Variants in LRP2 observed in about 807,000 individuals in gnomAD.
LRP2 encodes LDL receptor related protein 2, also known as low-density lipoprotein receptor-related protein 2.
LRP2 carries 172 observed loss-of-function variants against 531.0 expected under a neutral mutation model. That is an observed-to-expected ratio of 0.32 (90% CI 0.29 to 0.37). The LOEUF (loss-of-function observed/expected upper bound fraction) is 0.37, where lower values mean the gene tolerates loss of function less well. Among genes scored for constraint, LRP2 ranks in the 10% least tolerant of loss-of-function variants. The probability of loss-of-function intolerance (pLI) is 1.00; values close to 1 mark genes in which losing one functional copy is unlikely to be tolerated. For synonymous variants in LRP2, 1,992 were observed against 2,027.6 expected (o/e 0.98, Z 0.47); for missense variants, 5,167 against 5,868.3 (o/e 0.88, Z 3.90).
intron 3 of LRP2, among the ~76,000 whole-genome samples, chr2:169,316,121 A>G (rs1228720084): frequency 1.3e-5 from 2 of 150,300 alleles, no homozygotes; most frequent in African/African-American, 4.9e-5. Context: ...CAGCCTGGGC[A>G]ACAGAGCAAG....
In LRP2 at chr2:169,237,255, A is replaced by C. The variant is rs146923564; in HGVS notation, c.4539T>G (p.Thr1513=). The change falls in exon 28 of 79, where the codon ACT becomes ACG. Residue 1513 remains threonine (T), a synonymous_variant. Coordinates refer to ENST00000649046, the MANE Select transcript of LRP2 (RefSeq NM_004525.3). ...TACGACCTACCCAATCTATTGCAAT[A>C]GTTTCAGTCAAGATGATGCTACTGT... ...VFDSSIILTE[T]IAIDWVGRNL... The C allele has an allele frequency of 1.1e-5, 18 of 1,613,760 alleles. No homozygotes were observed. The highest frequency in any genetic ancestry group is 1.4e-5 in the Non-Finnish European group (16 of 1,179,850).
At chr2:169,289,915 G>T (rs1426717020) in intron 8 of LRP2, among the ~76,000 whole-genome samples, 1 of 152,120 alleles carries the variant, frequency 6.6e-6, no homozygotes, top group Non-Finnish European at 1.5e-5. Context: ...GTCTCTGCCT[G>T]TTTAAATATT....
At chr2:169,274,486 A>C (rs929481760) in intron 14 of LRP2, among the ~76,000 whole-genome samples, 1 of 152,170 alleles carries the variant, frequency 6.6e-6, no homozygotes, top group African/African-American at 2.4e-5. Context: ...TCTGAATCAA[A>C]ATATTTCTTT....
At chr2:169,304,471 A>G (rs1275725727) in intron 4 of LRP2, among the ~76,000 whole-genome samples, 1 of 152,216 alleles carries the variant, frequency 6.6e-6, no homozygotes, top group Admixed American at 6.5e-5. Flanking sequence ...TAGAATTTAT[A>G]TAATGCTCTG....
chr2:169,246,707 A>C lies in LRP2; in HGVS notation c.3188T>G (p.Leu1063Arg), dbSNP rs1481681012. ...ATCGCCAGTGCATAGCTACTTACTA[A>C]GTGTGCCACATAGTTGCTCATCACT... The part of the protein sequence containing the change: ...DNSDEQLCGT[L>R]NNTCSSSAFT... Residue 1063 changes from leucine to arginine, a missense_variant and splice_region_variant, in exon 21 of 79, where the codon CTT becomes CGT. Around this residue, in one of 6 missense-constraint regions of LRP2, gnomAD observed 2,811 missense variants for 3,058.0 expected, o/e 0.92. Transcript: ENST00000649046. 5.6e-6 allele frequency: 9 copies of C among 1,614,004 alleles called. No individual in the cohort carries two copies. In the South Asian group the frequency reaches 8.8e-5, roughly 16 times the overall value.
At chr2:169,156,164 A>G in intron 65 of LRP2, 110 bp downstream of exon 65, 1 of 1,490,862 alleles carries the variant, frequency 6.7e-7, no homozygotes, top group Non-Finnish European at 9.2e-7. Flanking sequence ...TTTAAAAAAA[A>G]AGAAAGAAAA....
intron 16 of LRP2, among the ~76,000 whole-genome samples, chr2:169,269,410 A>T (rs1683336430): frequency 1.3e-5 from 2 of 152,254 alleles, no homozygotes; most frequent in African/African-American, 4.8e-5. Context: ...ACAGAGATAT[A>T]GACCAATGGA....
At chr2:169,358,902 A>AAG (rs1304554650) in intron 1 of LRP2, among the ~76,000 whole-genome samples, 2 of 150,618 alleles carry the variant, frequency 1.3e-5, no homozygotes, top group Non-Finnish European at 3.0e-5. Flanking sequence ...TTTTCTCAAA[A>AAG]AAAAAAAAAA....
chr2:169,148,202 G>A (rs1685988822), intron 68 of LRP2, among the ~76,000 whole-genome samples: 1 of 152,218 alleles, frequency 6.6e-6, no homozygotes, highest in African/African-American at 2.4e-5. Context: ...ACATGTGAAA[G>A]AAGCTAGTCA....
At chr2:169,160,327 A>G (rs761893841) in intron 63 of LRP2, among the ~76,000 whole-genome samples, 1 of 152,192 alleles carries the variant, frequency 6.6e-6, no homozygotes, top group Non-Finnish European at 1.5e-5. Flanking sequence ...CGGATATGTT[A>G]ATTTGCTTGA....
At position 169,140,503 on chromosome 2, in the gene LRP2, A is replaced by T. The variant is rs1685680714; in HGVS notation, c.13151T>A (p.Met4384Lys). Residue 4384 changes from methionine to lysine, a missense_variant, in exon 72 of 79, where the codon ATG becomes AAG. Met to Lys is a moderately conservative substitution (Grantham distance 95). Around this residue, in one of 6 missense-constraint regions of LRP2, gnomAD observed 348 missense variants for 369.3 expected, o/e 0.94. Transcript: ENST00000649046. ...ATCAAAATAGCAATTTCCTCCGTGC[A>T]TGCACCTGCATGGGGGGGGCAGGTT... ...PINLPPPCRC[M>K]HGGNCYFDET... The T allele has an allele frequency of 6.2e-7, 1 of 1,614,128 alleles. No individual in the cohort carries two copies. The highest frequency in any genetic ancestry group is 1.1e-5 in the South Asian group (1 of 91,084).
intron 14 of LRP2, among the ~76,000 whole-genome samples, chr2:169,273,776 G>A (rs1190644920): frequency 6.6e-6 from 1 of 152,050 alleles, no homozygotes; most frequent in South Asian, 2.1e-4. Flanking sequence ...TATCTTCTCA[G>A]GTGGATTGAT....
chr2:169,220,962 A>C (rs953667821), intron 33 of LRP2, among the ~76,000 whole-genome samples: 1 of 152,104 alleles, frequency 6.6e-6, no homozygotes, highest in Non-Finnish European at 1.5e-5. Flanking sequence ...CACCCCACCA[A>C]GGCACTCGGT....
At chr2:169,330,275 T>C (rs1421655255) in intron 1 of LRP2, among the ~76,000 whole-genome samples, 1 of 152,224 alleles carries the variant, frequency 6.6e-6, no homozygotes, top group African/African-American at 2.4e-5. Context: ...CTCAAGATAG[T>C]TGATCTCAAA....
chr2:169,177,844 G>T lies in LRP2; in HGVS notation c.10352C>A (p.Pro3451Gln). The T allele has an allele frequency of 1.2e-6, 2 of 1,614,170 alleles. No individual in the cohort carries two copies. Among genetic ancestry groups the T allele is most frequent in the Non-Finnish European group, 1.7e-6 (2 of 1,180,024 alleles). Reference sequence around the variant, plus strand: ...TGGATGGTACACATGGATGTCAAATGGTCTGTGTGTTGTGTTCACCAGTGT... The same window carrying T: ...TGGATGGTACACATGGATGTCAAATTGTCTGTGTGTTGTGTTCACCAGTGT... ...RQTLVNTTHR[P>Q]FDIHVYHPYR... The change falls in exon 53 of 79, where the codon CCA becomes CAA. Residue 3451 changes from proline (P) to glutamine (Q), a missense_variant. By Grantham distance (76) the Pro-to-Gln change is moderately conservative. Around this residue, in one of 6 missense-constraint regions of LRP2, gnomAD observed 1,129 missense variants for 1,362.7 expected, o/e 0.83. Transcript: ENST00000649046.
chr2:169,274,925 A>G (rs1359637503), intron 14 of LRP2, 111 bp downstream of exon 14: 2 of 1,051,920 alleles, frequency 1.9e-6, no homozygotes, highest in African/African-American at 3.1e-5. Context: ...CATATACTTG[A>G]GAATGCCACC....
At chr2:169,142,506 C>A (rs903065363) in intron 71 of LRP2, among the ~76,000 whole-genome samples, 168 bp downstream of exon 71, 1 of 152,140 alleles carries the variant, frequency 6.6e-6, no homozygotes, top group Non-Finnish European at 1.5e-5. Flanking sequence ...GTTCTGTTTG[C>A]CCCCTAAGTC....
intron 1 of LRP2, among the ~76,000 whole-genome samples, chr2:169,335,031 A>C (rs887111342): frequency 1.2e-4 from 18 of 152,346 alleles, no homozygotes; most frequent in African/African-American, 4.3e-4. Context: ...CACTGAAAGC[A>C]CAGATGGTGG....
chr2:169,162,407 T>C (rs1046860737), intron 63 of LRP2, 65 bp downstream of exon 63: 18 of 1,568,966 alleles, frequency 1.1e-5, no homozygotes, highest in African/African-American at 9.5e-5. Flanking sequence ...CATTATGTTA[T>C]TGCATGTTTT....
Sources: gnomAD v4.1 joint callset for allele counts (sites outside exome capture counted in the v4.1 genomes callset) on GRCh38, gnomAD v4.1.1 for gene constraint, gnomAD v4.1.1 regional missense constraint, MANE v1.5 for transcripts, NCBI Gene and HGNC (gene_info 2026-07-23, HGNC 2026-07-21) for gene names.